The following DNAJC8 variants were observed in gnomAD, a reference collection of about 807,000 sequenced individuals.
DNAJC8 encodes the protein DnaJ heat shock protein family (Hsp40) member C8, also known as dnaJ homolog subfamily C member 8.
In DNAJC8, 24 loss-of-function variants were observed where a neutral mutation model predicts 43.2. That is an observed-to-expected ratio of 0.56 (90% CI 0.40 to 0.78). The LOEUF is 0.78. DNAJC8 is among the 30% of genes least tolerant of loss of function. DNAJC8 has a pLI of 0.00. For missense variants in DNAJC8, 207 were observed against 299.4 expected (o/e 0.69, Z 2.28); for synonymous variants, 83 against 98.0 (o/e 0.85, Z 0.90).
intron 2 of DNAJC8, among the ~76,000 whole-genome samples, chr1:28,219,540 T>C (rs779534425): frequency 1.3e-5 from 2 of 152,052 alleles, no homozygotes; most frequent in Non-Finnish European, 2.9e-5. Context: ...AAAATAGCTA[T>C]AAAGGAGATT....
Position 28,221,192 on chromosome 1 carries a change from A to T in DNAJC8, c.181-6196T>A, listed in dbSNP as rs188103889. Among the ~76,000 whole-genome samples the T allele has an allele frequency of 3.6e-4, 54 of 152,042 alleles. 1 individual carries two copies. The highest frequency in any genetic ancestry group is 6.8e-3 in the Middle Eastern group (2 of 294). ...GTCTCTATGAAAAATACAAAAAATT[A>T]GCCGGGCGTGGTGGCGGGCGCCTGT... is the stretch of plus-strand genomic sequence containing the variant. On this transcript the variant is annotated intron_variant, in intron 2 of 8. Transcript: ENST00000263697.
rs147637269 is a variant in DNAJC8, at chr1:28,209,243, C to T, written c.399+729G>A. On this transcript the variant is annotated intron_variant, in intron 5 of 8. Coordinates refer to ENST00000263697, the MANE Select transcript of DNAJC8 (RefSeq NM_014280.3). ...GTCTCCTCTTCTTATCCATTTTCCT[C>T]ACCGAAACTGGATTCATTATTATGG... Among the ~76,000 whole-genome samples the T allele has an allele frequency of 4.8e-3, 730 of 152,286 alleles. 3 individuals are homozygous for T. Among genetic ancestry groups the T allele is most frequent in the African/African-American group, 0.015 (637 of 41,558 alleles).
intron 6 of DNAJC8, among the ~76,000 whole-genome samples, chr1:28,206,949 A>ACTCCTTTACT (rs1180768216): frequency 5.9e-5 from 9 of 152,214 alleles, no homozygotes; most frequent in African/African-American, 1.9e-4. Flanking sequence ...GTCTGTAATG[A>ACTCCTTTACT]ATAGCTCAGT....
At chr1:28,209,615 C>G (rs1199723992) in intron 5 of DNAJC8, among the ~76,000 whole-genome samples, 2 of 152,130 alleles carry the variant, frequency 1.3e-5, no homozygotes, top group African/African-American at 4.8e-5. Context: ...TTCACAGGGA[C>G]AAGAATAAAA....
intron 5 of DNAJC8, 53 bp from the exon 6 acceptor site, chr1:28,208,466 C>CCA: frequency 7.3e-7 from 1 of 1,361,874 alleles, no homozygotes. Flanking sequence ...TTGAGAATAT[C>CCA]CACTGGGCTG....
chr1:28,215,894 T>A (rs1196512959), intron 2 of DNAJC8, among the ~76,000 whole-genome samples: 1 of 151,932 alleles, frequency 6.6e-6, no homozygotes, highest in Non-Finnish European at 1.5e-5. Context: ...GTGTCTCACT[T>A]TGTTGCCCAG....
intron 8 of DNAJC8, among the ~76,000 whole-genome samples, chr1:28,202,176 A>G (rs1401766507): frequency 4.6e-5 from 7 of 152,334 alleles, no homozygotes; most frequent in Middle Eastern, 3.4e-3. Context: ...GATGAGCTGC[A>G]GGTTGCAAGA....
rs557785984 is a variant in DNAJC8, at chr1:28,229,883, G to C, written c.79-860C>G. On this transcript the variant is annotated intron_variant, in intron 1 of 8. Coordinates refer to ENST00000263697, the MANE Select transcript of DNAJC8 (RefSeq NM_014280.3). ...ACAATCACAGTAAGACATAAACTATGAGCAGCATTTAAAACTGTTGATGGG... is the reference window on the plus strand; with the variant it reads ...ACAATCACAGTAAGACATAAACTATCAGCAGCATTTAAAACTGTTGATGGG... 5.7e-4 allele frequency among the ~76,000 whole-genome samples: 86 copies of C among 152,150 alleles called. 4 individuals carry two copies. In the South Asian group the frequency reaches 0.01, roughly 18 times the overall value.
intron 8 of DNAJC8, among the ~76,000 whole-genome samples, chr1:28,202,029 G>A (rs1002386818): frequency 5.3e-5 from 8 of 151,934 alleles, no homozygotes; most frequent in Non-Finnish European, 7.4e-5. Flanking sequence ...GGCGGAGGTC[G>A]CAGTGAGCCA....
chr1:28,207,721 C>T (rs1424377526), intron 6 of DNAJC8, among the ~76,000 whole-genome samples: 1 of 150,030 alleles, frequency 6.7e-6, no homozygotes, highest in Admixed American at 6.6e-5. Context: ...GGATTACAGG[C>T]GTGAGCCACT....
intron 3 of DNAJC8, 80 bp from the exon 4 acceptor site, chr1:28,210,717 A>G: frequency 2.5e-6 from 3 of 1,176,850 alleles, no homozygotes; most frequent in East Asian, 2.4e-5. Context: ...GTTACAACCA[A>G]AAGCTCTAAG....
At chr1:28,227,453 A>G (rs907527676) in intron 2 of DNAJC8, among the ~76,000 whole-genome samples, 1 of 150,142 alleles carries the variant, frequency 6.7e-6, no homozygotes, top group Non-Finnish European at 1.5e-5. Context: ...GAGGCTGGAC[A>G]TGGTGGCGAA....
intron 2 of DNAJC8, among the ~76,000 whole-genome samples, chr1:28,226,255 C>T (rs573003222): frequency 1.1e-4 from 16 of 151,162 alleles, no homozygotes; most frequent in African/African-American, 2.9e-4. Context: ...TCTGTAATCA[C>T]GGCACTTTGA....
At chr1:28,210,799 T>C (rs1175245271) in intron 3 of DNAJC8, among the ~76,000 whole-genome samples, 162 bp from the exon 4 acceptor site, 3 of 152,012 alleles carry the variant, frequency 2.0e-5, no homozygotes, top group Non-Finnish European at 4.4e-5. Context: ...TGCCCAGAAA[T>C]ACTGATCTTT....
intron 2 of DNAJC8, among the ~76,000 whole-genome samples, chr1:28,217,213 C>A (rs1056219324): frequency 6.6e-6 from 1 of 151,854 alleles, no homozygotes; most frequent in East Asian, 1.9e-4. Context: ...GTCACTGCAG[C>A]CTCGAGCTCT....
chr1:28,216,085 A>C (rs1267534953), intron 2 of DNAJC8, among the ~76,000 whole-genome samples: 1 of 151,936 alleles, frequency 6.6e-6, no homozygotes, highest in Non-Finnish European at 1.5e-5. Context: ...GCAGTGGCTC[A>C]CGCCTGTAAT....
chr1:28,215,633 G>A (rs1222301445), intron 2 of DNAJC8, among the ~76,000 whole-genome samples: 2 of 151,854 alleles, frequency 1.3e-5, no homozygotes, highest in Non-Finnish European at 2.9e-5. Context: ...CACCTCCGCG[G>A]TTCAAGCGAT....
At chr1:28,217,886 A>G (rs780712655) in intron 2 of DNAJC8, among the ~76,000 whole-genome samples, 2 of 151,942 alleles carry the variant, frequency 1.3e-5, no homozygotes, top group Non-Finnish European at 2.9e-5. Flanking sequence ...TGGGATATAT[A>G]CAGACAGTAA....
chr1:28,215,021 T>C lies in DNAJC8; in HGVS notation c.181-25A>G, dbSNP rs186143846. On this transcript the variant is annotated intron_variant, in intron 2 of 8. Transcript: ENST00000263697. ...CCTGGAAGTATCAAAATCAAAACCA[T>C]AAAAAAGGTGAAAATAAATTACATG... 78 of 1,581,588 alleles carry C rather than the reference T, an allele frequency of 4.9e-5. No individual in the cohort carries two copies. The East Asian group carries it at 9.9e-4, about 20-fold the overall frequency.
Sources: allele counts gnomAD v4.1 joint callset (sites outside exome capture counted in the v4.1 genomes callset), GRCh38; gene constraint gnomAD v4.1.1; transcripts MANE v1.5; gene names NCBI Gene and HGNC (gene_info 2026-07-23, HGNC 2026-07-21).